The following TRPV5 variants were observed in gnomAD, a reference collection of about 807,000 sequenced individuals.
TRPV5 encodes transient receptor potential cation channel subfamily V member 5, also known as calcium transport protein 2.
A neutral mutation model predicts 74.1 loss-of-function variants in TRPV5; 66 were observed. The observed-to-expected ratio is 0.89, with a 90% CI of 0.73 to 1.09. The LOEUF is 1.09. Among genes scored for constraint, TRPV5 ranks in the 50% least tolerant of loss-of-function variants. The pLI is 0.00. For missense variants in TRPV5, 936 were observed against 930.4 expected (o/e 1.01, Z -0.08); for synonymous variants, 399 against 360.7 (o/e 1.11, Z -1.20).
intron 3 of TRPV5, 130 bp from the exon 4 acceptor site, chr7:142,929,695 G>C: frequency 2.1e-6 from 3 of 1,407,154 alleles, no homozygotes; most frequent in Non-Finnish European, 2.9e-6. Flanking sequence ...GGGCTTGGCA[G>C]GGTGGCCTGG....
At chr7:142,928,315 T>A in intron 6 of TRPV5, 81 bp from the exon 7 acceptor site, 1 of 1,490,518 alleles carries the variant, frequency 6.7e-7, no homozygotes, top group Non-Finnish European at 9.3e-7. Context: ...ATGGAGCCAG[T>A]TGCCCACCCC....
intron 1 of TRPV5, among the ~76,000 whole-genome samples, chr7:142,931,262 A>G (rs1796091806): frequency 6.6e-6 from 1 of 151,938 alleles, no homozygotes; most frequent in South Asian, 2.1e-4. Flanking sequence ...GAGCTCAGGC[A>G]ATCCGCCTGC....
At position 142,929,186 on chromosome 7, in the gene TRPV5, C is replaced by G. The variant is rs968383520; in HGVS notation, c.488-66G>C. The G allele has an allele frequency of 3.7e-5, 59 of 1,573,968 alleles. No individual in the cohort carries two copies. The Admixed American group carries it at 1.0e-3, about 28-fold the overall frequency. Reference sequence around the variant, plus strand: ...GGCAGGATGGGGTGGGCAGTCTCCCCCAAATAAGGGCCTCCTCCTCATCCC... The same window carrying G: ...GGCAGGATGGGGTGGGCAGTCTCCCGCAAATAAGGGCCTCCTCCTCATCCC... On this transcript the variant is annotated intron_variant, in intron 4 of 14. Transcript: ENST00000265310.
At chr7:142,932,798 C>A (rs1796117737) in intron 1 of TRPV5, among the ~76,000 whole-genome samples, 1 of 152,212 alleles carries the variant, frequency 6.6e-6, no homozygotes, top group South Asian at 2.1e-4. Context: ...CCTCTGCACA[C>A]AGTAGACTCA....
At chr7:142,921,082 T>C (rs924643921) in intron 8 of TRPV5, among the ~76,000 whole-genome samples, 4 of 152,236 alleles carry the variant, frequency 2.6e-5, no homozygotes, top group Admixed American at 2.6e-4. Flanking sequence ...GCTTTTCAAA[T>C]AGCAGTGGTG....
chr7:142,909,037 G>A (rs1022241306), intron 14 of TRPV5, among the ~76,000 whole-genome samples: 3 of 152,116 alleles, frequency 2.0e-5, no homozygotes, highest in African/African-American at 4.8e-5. Context: ...GTGGTAGGAC[G>A]CACACAGGTG....
intron 1 of TRPV5, 141 bp downstream of exon 1, chr7:142,933,191 G>A: frequency 1.7e-6 from 2 of 1,184,136 alleles, no homozygotes; most frequent in Admixed American, 2.4e-5. Context: ...GTAATTAGGT[G>A]GGCTGGAAGG....
At chr7:142,929,398 A>G in intron 4 of TRPV5, 30 bp downstream of exon 4, 1 of 1,605,688 alleles carries the variant, frequency 6.2e-7, no homozygotes. Context: ...TCTCCAGCCA[A>G]CCATCCTTCA....
chr7:142,917,090 TTG>T (rs917843626), intron 8 of TRPV5, among the ~76,000 whole-genome samples: 9 of 151,476 alleles, frequency 5.9e-5, no homozygotes, highest in African/African-American at 1.7e-4. Flanking sequence ...TGCGTTTTTT[TTG>T]TTTTGTTTTG....
intron 8 of TRPV5, among the ~76,000 whole-genome samples, chr7:142,924,375 CATAT>C (rs761091491): frequency 3.9e-4 from 10 of 25,772 alleles, no homozygotes; most frequent in Non-Finnish European, 4.1e-4. Flanking sequence ...TATATATATA[CATAT>C]ATATATATAT....
chr7:142,927,477 A>G (rs1796007404), intron 7 of TRPV5, among the ~76,000 whole-genome samples: 1 of 152,222 alleles, frequency 6.6e-6, no homozygotes, highest in Non-Finnish European at 1.5e-5. Flanking sequence ...AAAAGGTTTA[A>G]TTGGCTCATG....
Position 142,929,070 on chromosome 7 carries a change from G to A in TRPV5, c.538C>T (p.Arg180Trp), listed in dbSNP as rs758826708. Residue 180 changes from arginine (R) to tryptophan (W), a missense_variant, in exon 5 of 15, where the codon CGG (arginine) becomes TGG (tryptophan). Transcript: ENST00000265310. ...TCAGCTCCATGCTCAATGAGCAGCC[G>A]CACGATCTCCTCGCTGTTCACACAG... ...AACVNSEEIV[R>W]LLIEHGADIR... 24 of 1,613,964 alleles carry A rather than the reference G, an allele frequency of 1.5e-5. No individual in the cohort carries two copies. The highest frequency in any genetic ancestry group is 1.8e-5 in the Non-Finnish European group (21 of 1,180,030).
chr7:142,924,277 T>C lies in TRPV5; in HGVS notation c.1122+1252A>G, dbSNP rs867860451. On this transcript the variant is annotated intron_variant, in intron 8 of 14. Transcript: ENST00000265310. ...ATGTATATATATACATATATATATA[T>C]ATACATATACATGTATATATATACA... Among the ~76,000 whole-genome samples the C allele has an allele frequency of 1.1e-3, 121 of 111,414 alleles. 1 individual carries two copies. Among genetic ancestry groups the C allele is most frequent in the African/African-American group, 5.2e-3 (120 of 22,956 alleles). The allele number at this position is 111,414 out of a possible 152,430, so 73.1% of individuals were successfully genotyped here.
At chr7:142,929,326 G>A (rs763353829) in intron 4 of TRPV5, 102 bp downstream of exon 4, 10 of 1,552,682 alleles carry the variant, frequency 6.4e-6, no homozygotes, top group African/African-American at 1.4e-5. Context: ...CCTCTCAACT[G>A]CCCAACAGAT....
At chr7:142,910,767 T>C (rs1451240681) in intron 13 of TRPV5, among the ~76,000 whole-genome samples, 1 of 152,224 alleles carries the variant, frequency 6.6e-6, no homozygotes, top group Non-Finnish European at 1.5e-5. Flanking sequence ...TTATTGTTCC[T>C]CCTGAGCCAT....
At chr7:142,923,382 T>C (rs1024855674) in intron 8 of TRPV5, among the ~76,000 whole-genome samples, 1 of 152,168 alleles carries the variant, frequency 6.6e-6, no homozygotes, top group Non-Finnish European at 1.5e-5. Flanking sequence ...CAAATCATGA[T>C]GATAAGTTTA....
intron 8 of TRPV5, among the ~76,000 whole-genome samples, chr7:142,917,475 A>G (rs1795821527): frequency 2.6e-5 from 4 of 152,180 alleles, no homozygotes; most frequent in Non-Finnish European, 5.9e-5. Flanking sequence ...ATGGCTGTGA[A>G]GATCAGGGTG....
Position 142,915,019 on chromosome 7 carries a change from C to G in TRPV5, c.1314G>C (p.Val438=). ...IIITYASLVL[V]TMVMRLTNTN... is the part of the protein sequence containing the mutation. ...TGTTGGTGAGCCGCATCACCATGGT[C>G]ACCAGCACCAGGGAGGCATAGGTGA... The change falls in exon 11 of 15, where the codon GTG becomes GTC. Residue 438 remains valine, a synonymous_variant. Transcript: ENST00000265310. The G allele has an allele frequency of 6.2e-7, 1 of 1,614,010 alleles. No homozygotes were observed. The highest frequency in any genetic ancestry group is 8.5e-7 in the Non-Finnish European group (1 of 1,179,980).
intron 7 of TRPV5, among the ~76,000 whole-genome samples, chr7:142,926,819 T>C (rs975514642): frequency 2.6e-5 from 4 of 152,214 alleles, no homozygotes; most frequent in African/African-American, 9.7e-5. Context: ...TCAAAGTGTA[T>C]CTGTTTCCAG....
Sources: allele counts gnomAD v4.1 joint callset (sites outside exome capture counted in the v4.1 genomes callset), GRCh38; gene constraint gnomAD v4.1.1; transcripts MANE v1.5; gene names NCBI Gene and HGNC (gene_info 2026-07-23, HGNC 2026-07-21).